The following RGS6 variants were observed in gnomAD, a reference collection of about 807,000 sequenced individuals.
RGS6 encodes the protein regulator of G protein signaling 6, also known as regulator of G-protein signaling 6.
RGS6 carries 30 observed loss-of-function variants against 78.5 expected under a neutral mutation model. That is an observed-to-expected ratio of 0.38 (90% confidence interval 0.29 to 0.52). The LOEUF (loss-of-function observed/expected upper bound fraction) is 0.52. RGS6 is among the 20% of genes least tolerant of loss of function. RGS6 has a pLI of 0.85. For missense variants in RGS6, 495 were observed against 609.7 expected (o/e 0.81, Z 1.98); for synonymous variants, 206 against 206.0 (o/e 1.00, Z 0.00).
At chr14:72,557,990 A>T (rs2097606675) in intron 17 of RGS6, among the ~76,000 whole-genome samples, 1 of 150,330 alleles carries the variant, frequency 6.7e-6, no homozygotes, top group East Asian at 1.9e-4. Context: ...TTTTGTCCTA[A>T]TTTTTTTTTT....
chr14:71,996,488 G>A (rs2095212245), intron 2 of RGS6, among the ~76,000 whole-genome samples: 2 of 152,090 alleles, frequency 1.3e-5, no homozygotes, highest in Non-Finnish European at 2.9e-5. Context: ...GGGATTACCG[G>A]TGTTGTTTAT....
the RGS6 span, among the ~76,000 whole-genome samples, chr14:71,868,011 A>G: frequency 6.6e-6 from 1 of 152,310 alleles, no homozygotes; most frequent in African/African-American, 2.4e-5. Flanking sequence ...TCATCCATCC[A>G]TATCCAGATG....
chr14:72,177,734 TG>T (rs1194784724), intron 2 of RGS6, among the ~76,000 whole-genome samples: 5 of 152,218 alleles, frequency 3.3e-5, no homozygotes, highest in African/African-American at 1.2e-4. Flanking sequence ...AAATGGCCTT[TG>T]AGCTTTCATC....
chr14:72,231,644 A>C (rs1477116532), intron 2 of RGS6, among the ~76,000 whole-genome samples: 1 of 152,254 alleles, frequency 6.6e-6, no homozygotes, highest in East Asian at 1.9e-4. Flanking sequence ...TGATGGGGCC[A>C]GACAGGGCTG....
chr14:72,443,659 G>C (rs558147791), intron 3 of RGS6, among the ~76,000 whole-genome samples: 2 of 152,254 alleles, frequency 1.3e-5, no homozygotes, highest in East Asian at 3.9e-4. Context: ...TGAAGTGACC[G>C]TTAGACACCA....
At chr14:72,425,909 C>G (rs559437896) in intron 3 of RGS6, among the ~76,000 whole-genome samples, 1 of 152,108 alleles carries the variant, frequency 6.6e-6, no homozygotes, top group African/African-American at 2.4e-5. Flanking sequence ...GATACGCTAT[C>G]GTACTAGAAT....
the RGS6 span, among the ~76,000 whole-genome samples, chr14:72,601,725 G>A: frequency 6.6e-6 from 1 of 152,192 alleles, no homozygotes; most frequent in Non-Finnish European, 1.5e-5. Flanking sequence ...ATTATTGTGT[G>A]TCAATTAAAA....
chr14:71,953,971 T>TG (rs1032015617), intron 1 of RGS6, among the ~76,000 whole-genome samples: 23 of 142,402 alleles, frequency 1.6e-4, no homozygotes, highest in African/African-American at 1.0e-4. Flanking sequence ...AAGTGGGCGT[T>TG]TTTTTTTTTT....
intron 2 of RGS6, among the ~76,000 whole-genome samples, chr14:72,106,050 G>A (rs2153535462): frequency 6.6e-6 from 1 of 152,302 alleles, no homozygotes; most frequent in Non-Finnish European, 1.5e-5. Flanking sequence ...AAGATCCAGA[G>A]GTCGCAGTGG....
intron 2 of RGS6, among the ~76,000 whole-genome samples, chr14:72,093,009 A>T (rs2095314153): frequency 6.7e-6 from 1 of 150,206 alleles, no homozygotes; most frequent in Admixed American, 6.7e-5. Flanking sequence ...TGTTTCCATT[A>T]TGAAACACTT....
At chr14:72,372,623 CAA>C (rs1566654953) in intron 3 of RGS6, among the ~76,000 whole-genome samples, 2 of 152,098 alleles carry the variant, frequency 1.3e-5, no homozygotes, top group Admixed American at 1.3e-4. Flanking sequence ...GGTTGGGAGT[CAA>C]AAGAGGACAC....
At chr14:71,925,018 T>G in the RGS6 span, among the ~76,000 whole-genome samples, 1 of 152,232 alleles carries the variant, frequency 6.6e-6, no homozygotes, top group Non-Finnish European at 1.5e-5. Flanking sequence ...ATAATGGCTC[T>G]ACCAGTTTAC....
chr14:72,025,341 A>G lies in RGS6; in HGVS notation c.84+60466A>G, dbSNP rs533026053. Among the ~76,000 whole-genome samples, 6 of 152,244 alleles carry G rather than the reference A, an allele frequency of 3.9e-5. No homozygotes were observed. The East Asian group carries it at 1.2e-3, about 29-fold the overall frequency. On this transcript the variant is annotated intron_variant, in intron 2 of 17. Transcript: ENST00000553525. ...GGTTTCTGTTATTTGGTAGGTCACA[A>G]TTAATTATACAGGGTTAACAAAAAT... is the stretch of plus-strand genomic sequence containing the variant.
chr14:72,047,118 C>T (rs912284790), intron 2 of RGS6, among the ~76,000 whole-genome samples: 1 of 152,132 alleles, frequency 6.6e-6, no homozygotes, highest in Non-Finnish European at 1.5e-5. Context: ...GTTCTTGTGA[C>T]ACGACATAAT....
intron 1 of RGS6, among the ~76,000 whole-genome samples, chr14:71,948,777 G>A (rs1164573917): frequency 3.5e-4 from 40 of 113,414 alleles, no homozygotes; most frequent in African/African-American, 1.2e-3. Flanking sequence ...AAAGAGATGA[G>A]GTCTCACTGT....
chr14:72,550,028 G>A (rs924780638), intron 17 of RGS6, among the ~76,000 whole-genome samples: 2 of 152,146 alleles, frequency 1.3e-5, no homozygotes, highest in African/African-American at 4.8e-5. Flanking sequence ...GAACCACCCC[G>A]ATTGCCGATG....
intron 2 of RGS6, among the ~76,000 whole-genome samples, chr14:72,078,731 T>C (rs774543275): frequency 3.5e-4 from 53 of 152,158 alleles, no homozygotes; most frequent in Admixed American, 2.8e-3. Context: ...TATTTCTTTA[T>C]AGCAGTGTGA....
intron 3 of RGS6, among the ~76,000 whole-genome samples, chr14:72,416,459 G>A (rs1218007641): frequency 1.3e-5 from 2 of 152,136 alleles, no homozygotes; most frequent in African/African-American, 4.8e-5. Context: ...TAAGTTGACT[G>A]TATTAACTTT....
chr14:72,523,997 T>C (rs2097088318), intron 15 of RGS6, among the ~76,000 whole-genome samples: 1 of 152,164 alleles, frequency 6.6e-6, no homozygotes, highest in Admixed American at 6.5e-5. Context: ...GGGGGTGATG[T>C]CTTCTTTACA....
Sources: allele counts gnomAD v4.1 joint callset (sites outside exome capture counted in the v4.1 genomes callset), GRCh38; gene constraint gnomAD v4.1.1; transcripts MANE v1.5; gene names NCBI Gene and HGNC (gene_info 2026-07-23, HGNC 2026-07-21).